Variants in TNRC6B observed in about 807,000 individuals in gnomAD.
TNRC6B encodes trinucleotide repeat-containing gene 6B protein.
A neutral mutation model predicts 203.6 loss-of-function variants in TNRC6B; 52 were observed. That is an observed-to-expected ratio of 0.26 (90% CI 0.20 to 0.32). TNRC6B has a LOEUF of 0.32. TNRC6B is among the 10% of genes least tolerant of loss of function. The pLI is 1.00. For missense variants in TNRC6B, 1,923 were observed against 2,286.2 expected (o/e 0.84, Z 3.24); for synonymous variants, 838 against 845.7 (o/e 0.99, Z 0.16).
rs1056716601 is a variant in TNRC6B at position 40,331,593 on chromosome 22, T to C, written c.*8352T>C. On this transcript the variant is annotated 3_prime_UTR_variant, in exon 23 of 23. Coordinates refer to ENST00000454349, the MANE Select transcript of TNRC6B (RefSeq NM_001162501.2). ...ATTCCTCTCTCATGGCCTTGAAATG[T>C]ATTATTATGCAAATGTGAATTTTGA... 7 of 388,912 alleles carry C rather than the reference T, an allele frequency of 1.8e-5. No individual in the cohort carries two copies. In the East Asian group the frequency reaches 2.2e-4, roughly 12 times the overall value. 24.1% of individuals were successfully genotyped at this position (388,912 alleles called of 1,614,324 possible).
intron 4 of TNRC6B, among the ~76,000 whole-genome samples, chr22:40,157,465 A>G (rs1032499127): frequency 1.3e-5 from 2 of 152,226 alleles, no homozygotes; most frequent in Non-Finnish European, 2.9e-5. Flanking sequence ...GGCCAGATTC[A>G]TTAAAGGAAA....
intron 1 of TNRC6B, among the ~76,000 whole-genome samples, chr22:40,189,264 T>G (rs2069242167): frequency 1.3e-5 from 2 of 152,140 alleles, no homozygotes; most frequent in Non-Finnish European, 1.5e-5. Flanking sequence ...TTATACTTTC[T>G]CCCCCAGATA....
intron 3 of TNRC6B, among the ~76,000 whole-genome samples, chr22:40,252,464 G>A (rs748291514): frequency 2.6e-5 from 4 of 152,202 alleles, no homozygotes; most frequent in African/African-American, 4.8e-5. Flanking sequence ...CCAGACCAAA[G>A]CCTGTCACAC....
intron 3 of TNRC6B, among the ~76,000 whole-genome samples, chr22:40,126,553 C>T (rs192841463): frequency 6.7e-6 from 1 of 148,878 alleles, no homozygotes; most frequent in East Asian, 2.0e-4. Context: ...TCAGCTGTAT[C>T]CCTGTTGCTA....
chr22:40,131,061 G>A (rs149876178), intron 3 of TNRC6B, among the ~76,000 whole-genome samples: 168 of 151,630 alleles, frequency 1.1e-3, no homozygotes, highest in African/African-American at 4.0e-3. Context: ...CTGCCGCCAC[G>A]CCCGGATAAT....
At chr22:40,200,463 T>A (rs1471486208) in intron 1 of TNRC6B, among the ~76,000 whole-genome samples, 2 of 151,118 alleles carry the variant, frequency 1.3e-5, no homozygotes, top group African/African-American at 4.9e-5. Flanking sequence ...ATTTTTTGTA[T>A]TTTTAGTAGA....
At chr22:40,124,524 C>T (rs567031720) in intron 2 of TNRC6B, among the ~76,000 whole-genome samples, 4 of 152,066 alleles carry the variant, frequency 2.6e-5, no homozygotes, top group East Asian at 1.9e-4. Flanking sequence ...GGTTTCGCCC[C>T]CAGGCTGGTC....
At chr22:40,200,650 A>G (rs894698030) in intron 1 of TNRC6B, among the ~76,000 whole-genome samples, 7 of 151,988 alleles carry the variant, frequency 4.6e-5, no homozygotes, top group South Asian at 2.1e-4. Context: ...AATGTTCCCT[A>G]TTTCTTATTT....
At chr22:40,267,783 C>T (rs1384826499) in intron 5 of TNRC6B, among the ~76,000 whole-genome samples, 2 of 152,014 alleles carry the variant, frequency 1.3e-5, no homozygotes, top group Non-Finnish European at 2.9e-5. Context: ...GTAAGAGGAT[C>T]GCCTAAGCCC....
chr22:40,107,699 CATT>C (rs1482772582), intron 1 of TNRC6B, among the ~76,000 whole-genome samples: 6 of 151,966 alleles, frequency 3.9e-5, no homozygotes, highest in Admixed American at 3.3e-4. Context: ...AATTTCAGAA[CATT>C]AATCACAGGA....
chr22:40,204,239 A>T (rs1468931412), intron 1 of TNRC6B, among the ~76,000 whole-genome samples: 1 of 152,186 alleles, frequency 6.6e-6, no homozygotes, highest in Non-Finnish European at 1.5e-5. Context: ...TAATTATAGG[A>T]AAAGGAGGTA....
At chr22:40,156,215 T>C in intron 4 of TNRC6B, 2 of 1,548,906 alleles carry the variant, frequency 1.3e-6, no homozygotes, top group Non-Finnish European at 1.7e-6. Context: ...AGAGTCCTAT[T>C]ACAGATCCTC....
At chr22:40,048,148 T>A (rs943346281) in intron 1 of TNRC6B, among the ~76,000 whole-genome samples, 1 of 152,232 alleles carries the variant, frequency 6.6e-6, no homozygotes, top group Non-Finnish European at 1.5e-5. Flanking sequence ...GAGCAGTCTA[T>A]GCTGGCTGCT....
At chr22:40,300,664 C>A in intron 13 of TNRC6B, 78 bp downstream of exon 13, 2 of 1,516,156 alleles carry the variant, frequency 1.3e-6, no homozygotes, top group Non-Finnish European at 1.8e-6. Flanking sequence ...TTGCTTCCCA[C>A]ATCTTTGCCA....
intron 2 of TNRC6B, chr22:40,125,762 C>G: frequency 1.3e-6 from 2 of 1,571,358 alleles, no homozygotes; most frequent in Non-Finnish European, 1.7e-6. Flanking sequence ...TTTCTTCTCT[C>G]TTCTTTTAGG....
intron 3 of TNRC6B, among the ~76,000 whole-genome samples, chr22:40,143,363 G>T (rs76827746): frequency 6.6e-6 from 1 of 152,196 alleles, no homozygotes; most frequent in Admixed American, 6.5e-5. Flanking sequence ...AGCCCTGGAG[G>T]TTGAGGCTGC....
chr22:40,312,625 A>G lies in TNRC6B; in HGVS notation c.4556A>G (p.His1519Arg). The G allele has an allele frequency of 6.2e-7, 1 of 1,612,880 alleles. No homozygotes were observed. The highest frequency in any genetic ancestry group is 1.1e-5 in the South Asian group (1 of 90,688). Reference protein sequence around the residue: ...TATSPIVDTDHQLLRDNTTGS... With the variant: ...TATSPIVDTDRQLLRDNTTGS... ...ACATCTCCCATTGTAGATACTGACC[A>G]CCAACTGCTGCGGGATAACACCACA... The change falls in exon 18 of 23, where the codon CAC becomes CGC. Residue 1519 changes from histidine to arginine, a missense_variant. His to Arg is a conservative substitution (Grantham distance 29). Around this residue, in one of 8 missense-constraint regions of TNRC6B, gnomAD observed 159 missense variants for 181.0 expected, o/e 0.88. Transcript: ENST00000454349.
chr22:40,285,784 C>T lies in TNRC6B; in HGVS notation c.3708+14C>T, dbSNP rs6001862. 562,165 of 1,610,742 alleles carry T rather than the reference C, an allele frequency of 0.35. 102,526 individuals are homozygous for T. Among genetic ancestry groups the T allele is most frequent in the Admixed American group, 0.52 (30,872 of 59,350 alleles). On this transcript the variant is annotated intron_variant, in intron 12 of 22. Coordinates refer to ENST00000454349, the MANE Select transcript of TNRC6B (RefSeq NM_001162501.2). ...ATTTCCCCCCAGGTAAGCAATTTTA[C>T]GTTCCTGTGATTCAAAATGAAAGAC...
chr22:40,314,263 C>T (rs990865953), intron 19 of TNRC6B, among the ~76,000 whole-genome samples: 18 of 152,092 alleles, frequency 1.2e-4, no homozygotes, highest in African/African-American at 3.1e-4. Context: ...AGTTACAAAA[C>T]CTCAGTATTT....
Sources: allele counts gnomAD v4.1 joint callset (sites outside exome capture counted in the v4.1 genomes callset), GRCh38; gene constraint gnomAD v4.1.1; regional missense constraint gnomAD v4.1.1; transcripts MANE v1.5; gene names NCBI Gene and HGNC (gene_info 2026-07-23, HGNC 2026-07-21).